The following CA10 variants were observed in gnomAD, a reference collection of about 807,000 sequenced individuals.
The protein encoded by CA10 is carbonic anhydrase 10 (inactive).
In CA10, 14 loss-of-function variants were observed where a neutral mutation model predicts 44.2. The ratio of observed to expected loss-of-function variants is 0.32; its 90% confidence interval spans 0.21 to 0.50. The LOEUF is 0.50. Ranked by LOEUF, CA10 falls within the 20% of genes least tolerant of loss-of-function variation. The probability of loss-of-function intolerance (pLI) is 0.99; values close to 1 mark genes in which losing one functional copy is unlikely to be tolerated. For synonymous variants in CA10, 159 were observed against 141.6 expected, an observed-to-expected ratio of 1.12 and a Z score of -0.87; for missense variants, 350 against 409.7, an observed-to-expected ratio of 0.85 and a Z score of 1.26.
At chr17:52,154,696 G>C (rs561238279) in intron 1 of CA10, among the ~76,000 whole-genome samples, 2 of 152,200 alleles carry the variant, frequency 1.3e-5, no homozygotes, top group East Asian at 3.9e-4. Flanking sequence ...TGAGTTTAAC[G>C]GAAAGCCAGA....
chr17:51,882,030 C>T (rs1401184252), intron 3 of CA10, among the ~76,000 whole-genome samples: 2 of 144,326 alleles, frequency 1.4e-5, no homozygotes, highest in African/African-American at 2.6e-5. Context: ...ATCAATAGCC[C>T]ACAGTTGAAT....
intron 3 of CA10, among the ~76,000 whole-genome samples, chr17:51,800,037 G>A (rs556197101): frequency 1.3e-5 from 2 of 152,296 alleles, no homozygotes; most frequent in Admixed American, 1.3e-4. Context: ...AAATAAAAAT[G>A]TATGTCCACA....
intron 2 of CA10, among the ~76,000 whole-genome samples, chr17:51,936,015 C>CT (rs1982850939): frequency 6.6e-6 from 1 of 152,112 alleles, no homozygotes; most frequent in African/African-American, 2.4e-5. Context: ...GAATTTGCTG[C>CT]TGTGGGCAGG....
chr17:51,662,842 A>C (rs976576125), intron 4 of CA10, among the ~76,000 whole-genome samples: 3 of 152,226 alleles, frequency 2.0e-5, no homozygotes, highest in Non-Finnish European at 4.4e-5. Context: ...GAAAACCAGC[A>C]TGGAATGTAA....
chr17:51,929,956 C>T (rs1982585516), intron 3 of CA10, among the ~76,000 whole-genome samples: 1 of 152,116 alleles, frequency 6.6e-6, no homozygotes, highest in Admixed American at 6.5e-5. Flanking sequence ...TGCTTTGTGA[C>T]CTGAGTCAAA....
rs1203154814 is a variant in CA10 at position 52,157,732 on chromosome 17, T to C, written c.55A>G (p.Ile19Val). 1.2e-6 allele frequency: 2 copies of C among 1,613,926 alleles called. No individual in the cohort carries two copies. The highest frequency in any genetic ancestry group is 1.3e-5 in the African/African-American group (1 of 75,006). ...FLLQANFIVC[I>V]SAQQNSPKIH... ...ACTTCGGCGCGTCCCGTACCTGATA[T>C]GCAGACGATGAAATTGGCTTGAAGA... The change falls in exon 1 of 9, where the codon ATA becomes GTA. Residue 19 changes from isoleucine (I) to valine (V), a missense_variant. Ile to Val is a conservative substitution (Grantham distance 29). Transcript: ENST00000451037.
At chr17:51,940,613 CT>C (rs1410085729) in intron 2 of CA10, among the ~76,000 whole-genome samples, 1 of 151,638 alleles carries the variant, frequency 6.6e-6, no homozygotes, top group African/African-American at 2.4e-5. Flanking sequence ...TATTATCGCC[CT>C]GATTCTCACC....
At position 52,049,571 on chromosome 17, in the gene CA10, TCTC is replaced by T. The variant is rs372951628; in HGVS notation, c.136+22745_136+22747del. ...GTGAAACTTTTGGCATCTCTGCCCA[TCTC>T]CTAAAGCGTTGTCTTTTCTTTGTTC... On this transcript the variant is annotated intron_variant, in intron 2 of 8. Coordinates refer to ENST00000451037, the MANE Select transcript of CA10 (RefSeq NM_020178.5). 1.2e-4 allele frequency among the ~76,000 whole-genome samples: 19 copies of T among 152,254 alleles called. No individual in the cohort carries two copies. In the East Asian group the frequency reaches 2.5e-3, roughly 20 times the overall value.
intron 1 of CA10, among the ~76,000 whole-genome samples, chr17:52,101,063 G>C (rs1664381753): frequency 1.3e-5 from 2 of 152,096 alleles, no homozygotes; most frequent in Admixed American, 1.3e-4. Flanking sequence ...ATTCCCCCAA[G>C]AATTCTAGTC....
intron 3 of CA10, among the ~76,000 whole-genome samples, chr17:51,820,608 G>A (rs566220097): frequency 1.6e-4 from 24 of 151,986 alleles, no homozygotes; most frequent in African/African-American, 5.6e-4. Flanking sequence ...TTAATACCAA[G>A]CTACTTTAAT....
intron 6 of CA10, among the ~76,000 whole-genome samples, chr17:51,645,453 G>A (rs1913288362): frequency 6.6e-6 from 1 of 152,158 alleles, no homozygotes; most frequent in South Asian, 2.1e-4. Context: ...ATTTCCACTG[G>A]AGGTACCATG....
intron 2 of CA10, among the ~76,000 whole-genome samples, chr17:51,962,171 C>T (rs953217889): frequency 1.3e-5 from 2 of 152,204 alleles, no homozygotes; most frequent in Admixed American, 6.5e-5. Flanking sequence ...TGCAGTGGGG[C>T]CCTCTACACT....
chr17:51,675,322 G>T (rs4793715), intron 4 of CA10, among the ~76,000 whole-genome samples: 57,858 of 151,948 alleles, frequency 0.38, 13,079 homozygotes, highest in Admixed American at 0.51. Context: ...CACTTTGGGA[G>T]GCCAAGGCGG....
intron 2 of CA10, among the ~76,000 whole-genome samples, chr17:51,963,993 T>A (rs892510903): frequency 6.6e-6 from 1 of 151,950 alleles, no homozygotes; most frequent in Non-Finnish European, 1.5e-5. Context: ...AAAACAAGAC[T>A]CATCCATCTG....
In CA10 at chr17:51,639,992, A is replaced by AC. The variant is rs200596278; in HGVS notation, c.635-3984dup. Among the ~76,000 whole-genome samples the AC allele has an allele frequency of 7.3e-3, 1,115 of 152,214 alleles. 15 individuals carry two copies. Among genetic ancestry groups the AC allele is most frequent in the Middle Eastern group, 0.014 (4 of 294 alleles). On this transcript the variant is annotated intron_variant, in intron 6 of 8. Coordinates refer to ENST00000451037, the MANE Select transcript of CA10 (RefSeq NM_020178.5). ...CCTCCTACCCTGCCCTGGAATAACT[A>AC]CTGCTCCTCTCCTCAAGGACTCCCT...
intron 4 of CA10, among the ~76,000 whole-genome samples, chr17:51,734,360 A>G (rs1346419927): frequency 6.6e-6 from 1 of 152,118 alleles, no homozygotes; most frequent in African/African-American, 2.4e-5. Context: ...TCATTTCTGG[A>G]TGAAGGAAAA....
chr17:51,734,525 C>T (rs893642293), intron 4 of CA10, among the ~76,000 whole-genome samples: 3 of 152,090 alleles, frequency 2.0e-5, no homozygotes, highest in African/African-American at 7.2e-5. Flanking sequence ...CTGGACTGTT[C>T]GGGCAAGGCA....
chr17:51,637,022 T>G (rs2143217714), intron 6 of CA10, among the ~76,000 whole-genome samples: 1 of 152,292 alleles, frequency 6.6e-6, no homozygotes. Context: ...TGTTAATTTT[T>G]TTAGTCAATG....
At chr17:51,636,813 ATT>A (rs1639726699) in intron 6 of CA10, among the ~76,000 whole-genome samples, 1 of 78,124 alleles carries the variant, frequency 1.3e-5, no homozygotes, top group Non-Finnish European at 2.7e-5. Context: ...GTGTGTGTGT[ATT>A]TTTCTCTCTC....
Sources: allele counts gnomAD v4.1 joint callset (sites outside exome capture counted in the v4.1 genomes callset), GRCh38; gene constraint gnomAD v4.1.1; transcripts MANE v1.5; gene names NCBI Gene and HGNC (gene_info 2026-07-23, HGNC 2026-07-21).